DENND1A: variants seen among roughly 807,000 people sequenced by gnomAD.
DENND1A encodes DENN domain containing 1A.
In DENND1A, 51 loss-of-function variants were observed where a neutral mutation model predicts 113.7. That is an observed-to-expected ratio of 0.45 (90% CI 0.36 to 0.57). DENND1A has a LOEUF of 0.57. Ranked by LOEUF, DENND1A falls within the 20% of genes least tolerant of loss-of-function variation. The pLI, the probability that DENND1A is intolerant of heterozygous loss-of-function variation, is 0.00. For missense variants in DENND1A, 1,258 were observed against 1,395.9 expected (o/e 0.90, Z 1.57); for synonymous variants, 565 against 570.8 (o/e 0.99, Z 0.14).
chr9:123,653,899 T>TA (rs113463548), intron 8 of DENND1A, among the ~76,000 whole-genome samples: 16,045 of 137,074 alleles, frequency 0.12, 853 homozygotes, highest in South Asian at 0.18. Context: ...AGATGAGAAA[T>TA]AAAAAAAAAA....
chr9:123,707,406 A>G (rs2066297078), intron 5 of DENND1A, among the ~76,000 whole-genome samples: 1 of 151,886 alleles, frequency 6.6e-6, no homozygotes, highest in South Asian at 2.1e-4. Context: ...AAAAAGGAAA[A>G]AAAAAAAAAA....
chr9:123,705,906 T>A (rs553740598), intron 5 of DENND1A, among the ~76,000 whole-genome samples: 1 of 152,244 alleles, frequency 6.6e-6, no homozygotes, highest in East Asian at 1.9e-4. Flanking sequence ...ACCATAGTAA[T>A]TGACACAGCA....
rs1236002424 is a variant in DENND1A, at chr9:123,382,215, A to C, written c.2430T>G (p.Ser810Arg). The C allele has an allele frequency of 6.2e-7, 1 of 1,609,396 alleles. No homozygotes were observed. Among genetic ancestry groups the C allele is most frequent in the Non-Finnish European group, 8.5e-7 (1 of 1,179,502 alleles). ...GGACAACACCAGGCAGGAGCCCTGGACTCAGGGCAGCTCGCCTGTCCCGAT... is the reference window on the plus strand; with the variant it reads ...GGACAACACCAGGCAGGAGCCCTGGCCTCAGGGCAGCTCGCCTGTCCCGAT... ...QTDRDRRAAL[S>R]PGLLPGVVPQ... Residue 810 changes from serine (S) to arginine (R), a missense_variant, in exon 24 of 24, where the codon AGT becomes AGG. Transcript: ENST00000394215.
chr9:123,671,751 T>G (rs1339337431), intron 6 of DENND1A, among the ~76,000 whole-genome samples: 1 of 152,222 alleles, frequency 6.6e-6, no homozygotes, highest in Non-Finnish European at 1.5e-5. Context: ...ACTATAGATC[T>G]TGTCTTCATC....
intron 3 of DENND1A, among the ~76,000 whole-genome samples, chr9:123,787,266 A>G (rs566200984): frequency 1.3e-5 from 2 of 152,308 alleles, no homozygotes; most frequent in South Asian, 2.1e-4. Context: ...TTTTCATAGT[A>G]ACAAAAATTT....
At chr9:123,843,287 A>G (rs774470527) in intron 2 of DENND1A, 9 of 430,088 alleles carry the variant, frequency 2.1e-5, no homozygotes, top group Non-Finnish European at 2.8e-5. Flanking sequence ...GAAATGCTGT[A>G]TCTACCTTCT....
chr9:123,583,064 C>A (rs567206082), intron 12 of DENND1A, 105 bp downstream of exon 12: 2 of 846,696 alleles, frequency 2.4e-6, no homozygotes, highest in Admixed American at 4.8e-5. Flanking sequence ...TCTCAGGTCA[C>A]AGGAAAACCC....
At position 123,717,349 on chromosome 9, in the gene DENND1A, A is replaced by C. The variant is rs1307642970; in HGVS notation, c.302+40354T>G. Among the ~76,000 whole-genome samples, 4 of 152,166 alleles carry C rather than the reference A, an allele frequency of 2.6e-5. No individual in the cohort carries two copies. The South Asian group carries it at 8.3e-4, about 32-fold the overall frequency. On this transcript the variant is annotated intron_variant, in intron 5 of 23. Coordinates refer to ENST00000394215, the MANE Select transcript of DENND1A (RefSeq NM_001352964.2). ...CATGCCTTAACTAGGAGATACGTATAATGTATGTGACTCATTTAATCCTTA... is the reference window on the plus strand; with the variant it reads ...CATGCCTTAACTAGGAGATACGTATCATGTATGTGACTCATTTAATCCTTA...
At position 123,910,027 on chromosome 9, in the gene DENND1A, T is replaced by C. The variant is rs542067944; in HGVS notation, c.17+19862A>G. ...ACTACAAAATGCTGCTGAAAAAAAA[T>C]TGAAGATATGTAAGGAGAGATATGT... On this transcript the variant is annotated intron_variant, in intron 1 of 23. Transcript: ENST00000394215. 2.6e-5 allele frequency among the ~76,000 whole-genome samples: 4 copies of C among 152,078 alleles called. No individual in the cohort carries two copies. In the East Asian group the frequency reaches 7.7e-4, roughly 29 times the overall value.
chr9:123,678,544 G>A (rs1240899873), intron 5 of DENND1A, among the ~76,000 whole-genome samples: 1 of 152,184 alleles, frequency 6.6e-6, no homozygotes, highest in African/African-American at 2.4e-5. Flanking sequence ...GTGATATCCT[G>A]CCAGGGAGAG....
chr9:123,615,705 C>T (rs2060620047), intron 10 of DENND1A, among the ~76,000 whole-genome samples: 1 of 152,166 alleles, frequency 6.6e-6, no homozygotes, highest in South Asian at 2.1e-4. Context: ...GTCCGGGTTA[C>T]CCATTTGGCA....
At chr9:123,630,578 T>A in intron 9 of DENND1A, 102 bp from the exon 10 acceptor site, 1 of 725,292 alleles carries the variant, frequency 1.4e-6, no homozygotes, top group Non-Finnish European at 2.0e-6. Flanking sequence ...TATGTTTACA[T>A]GATAAGCTGA....
At chr9:123,646,702 C>T (rs1204863106) in intron 9 of DENND1A, among the ~76,000 whole-genome samples, 1 of 152,040 alleles carries the variant, frequency 6.6e-6, no homozygotes, top group Non-Finnish European at 1.5e-5. Flanking sequence ...TCTGACTTAT[C>T]GAGGACCTAT....
intron 19 of DENND1A, chr9:123,413,716 C>T: frequency 3.0e-6 from 3 of 985,524 alleles, no homozygotes; most frequent in Non-Finnish European, 3.6e-6. Flanking sequence ...GCTTGGTGAC[C>T]CTTCAGCTGA....
intron 20 of DENND1A, among the ~76,000 whole-genome samples, chr9:123,406,601 C>T (rs1276703373): frequency 6.6e-6 from 1 of 152,224 alleles, no homozygotes; most frequent in Admixed American, 6.5e-5. Context: ...AATGACGCTG[C>T]GAGTATCATC....
chr9:123,811,785 G>T (rs546347917), intron 2 of DENND1A, among the ~76,000 whole-genome samples: 1 of 151,980 alleles, frequency 6.6e-6, no homozygotes, highest in East Asian at 1.9e-4. Context: ...AAGGTTTGTG[G>T]GTTTGCCTCT....
At chr9:123,750,284 T>C (rs1057059545) in intron 5 of DENND1A, among the ~76,000 whole-genome samples, 1 of 152,198 alleles carries the variant, frequency 6.6e-6, no homozygotes, top group African/African-American at 2.4e-5. Flanking sequence ...CCCCAGAGGA[T>C]TATATATGTT....
chr9:123,522,595 T>C (rs745867914), intron 13 of DENND1A, among the ~76,000 whole-genome samples: 10 of 152,192 alleles, frequency 6.6e-5, no homozygotes, highest in Non-Finnish European at 1.3e-4. Context: ...TTCTCTGAAA[T>C]AGTCTTCCAA....
intron 10 of DENND1A, among the ~76,000 whole-genome samples, chr9:123,612,816 A>C (rs554089121): frequency 6.6e-6 from 1 of 152,368 alleles, no homozygotes; most frequent in Non-Finnish European, 1.5e-5. Flanking sequence ...TTCTCCAATA[A>C]GGCAGTACCT....
Sources: allele counts gnomAD v4.1 joint callset (sites outside exome capture counted in the v4.1 genomes callset), GRCh38; gene constraint gnomAD v4.1.1; transcripts MANE v1.5; gene names NCBI Gene and HGNC (gene_info 2026-07-23, HGNC 2026-07-21).